Variants in NECAP1 observed in about 807,000 individuals in gnomAD.
The protein encoded by NECAP1 is adaptin ear-binding coat-associated protein 1.
A neutral mutation model predicts 33.4 loss-of-function variants in NECAP1; 13 were observed. The ratio of observed to expected loss-of-function variants is 0.39; its 90% CI spans 0.25 to 0.62. The LOEUF is 0.62. Ranked by LOEUF, NECAP1 falls within the 20% of genes least tolerant of loss-of-function variation. The pLI, the probability that NECAP1 is intolerant of heterozygous loss-of-function variation, is 0.52. For missense variants in NECAP1, 272 were observed against 347.4 expected (o/e 0.78, Z 1.73); for synonymous variants, 109 against 125.2 (o/e 0.87, Z 0.86).
chr12:8,082,772 T>TCACACACACA (rs1201652736), intron 1 of NECAP1: 2 of 114,446 alleles, frequency 1.7e-5, no homozygotes, highest in African/African-American at 8.8e-5. Flanking sequence ...TCTCTCTCTC[T>TCACACACACA]CTCACACACA....
intron 6 of NECAP1, chr12:8,093,893 G>A (rs993891113): frequency 2.0e-5 from 3 of 152,200 alleles, no homozygotes; most frequent in Admixed American, 6.5e-5. Flanking sequence ...CTTCACAAGA[G>A]CAATTGGGAG....
chr12:8,083,740 T>G (rs1014337165), intron 1 of NECAP1, among the ~76,000 whole-genome samples: 4 of 148,812 alleles, frequency 2.7e-5, no homozygotes, highest in African/African-American at 7.4e-5. Context: ...TTTTTTTTTT[T>G]TTTTTTTTTT....
rs1947494474 is a variant in NECAP1 at position 8,086,832 on chromosome 12, AG to A, written c.96-3102del. ...CCTGTGCCTGTAATCTCAGCTACTC[AG>A]GAGGCTGAGGCAAGAGAATTGCTTG... On this transcript the variant is annotated intron_variant, in intron 1 of 7. Transcript: ENST00000339754. Among the ~76,000 whole-genome samples the A allele has an allele frequency of 2.0e-5, 3 of 151,682 alleles. No individual in the cohort carries two copies. The South Asian group carries it at 6.3e-4, about 32-fold the overall frequency.
At position 8,082,362 on chromosome 12, in the gene NECAP1, G is replaced by C; in HGVS notation, c.74G>C (p.Arg25Pro). The change falls in exon 1 of 8, where the codon CGG becomes CCG. Residue 25 changes from arginine to proline, a missense_variant. Coordinates refer to ENST00000339754, the MANE Select transcript of NECAP1 (RefSeq NM_015509.4). ...GTCAGCGTCTACCGGATTCCGCCCCGGGCCTCCAACCGCGGTTACAGGTAC... is the reference window on the plus strand; with the variant it reads ...GTCAGCGTCTACCGGATTCCGCCCCCGGCCTCCAACCGCGGTTACAGGTAC... Reference protein sequence around the residue: ...PDVSVYRIPPRASNRGYRASD... With the variant: ...PDVSVYRIPPPASNRGYRASD... 2.5e-6 allele frequency: 4 copies of C among 1,613,704 alleles called. No homozygotes were observed. Among genetic ancestry groups the C allele is most frequent in the Non-Finnish European group, 3.4e-6 (4 of 1,179,680 alleles).
rs372553759 is a variant in NECAP1 at position 8,089,894 on chromosome 12, A to G, written c.96-42A>G. On this transcript the variant is annotated intron_variant, in intron 1 of 7. Transcript: ENST00000339754. Reference sequence around the variant, plus strand: ...AAAGATTGTGGGTGGGCGTTAGTAAATTAAGGACATGTGCCTGAGGCTTCC... The same window carrying G: ...AAAGATTGTGGGTGGGCGTTAGTAAGTTAAGGACATGTGCCTGAGGCTTCC... 1,723 of 1,472,034 alleles carry G rather than the reference A, an allele frequency of 1.2e-3. 21 individuals are homozygous for G. In the South Asian group the frequency reaches 0.018, roughly 16 times the overall value. 91.2% of individuals were successfully genotyped at this position (1,472,034 alleles called of 1,614,324 possible).
chr12:8,086,328 T>C (rs893922461), intron 1 of NECAP1, among the ~76,000 whole-genome samples: 6 of 152,086 alleles, frequency 3.9e-5, no homozygotes, highest in Non-Finnish European at 7.4e-5. Flanking sequence ...AAGAAACTTA[T>C]CAGGCTGAGT....
At chr12:8,084,342 T>C (rs917753799) in intron 1 of NECAP1, among the ~76,000 whole-genome samples, 1 of 152,216 alleles carries the variant, frequency 6.6e-6, no homozygotes, top group Non-Finnish European at 1.5e-5. Context: ...AGGTACTATA[T>C]GAGTCACTTA....
intron 6 of NECAP1, 49 bp from the exon 7 acceptor site, chr12:8,095,552 C>T: frequency 6.6e-7 from 1 of 1,516,024 alleles, no homozygotes; most frequent in Non-Finnish European, 9.1e-7. Context: ...CCGGCCCTTC[C>T]AAGATTTTGA....
chr12:8,093,719 T>A (rs1253078479), intron 6 of NECAP1: 2 of 151,850 alleles, frequency 1.3e-5, no homozygotes, highest in African/African-American at 2.4e-5. Context: ...TGGGACCTTG[T>A]CTCATAAAAA....
intron 1 of NECAP1, among the ~76,000 whole-genome samples, chr12:8,087,522 A>T (rs1947502686): frequency 7.3e-6 from 1 of 137,342 alleles, no homozygotes; most frequent in East Asian, 2.1e-4. Flanking sequence ...CTTGTTCCTA[A>T]TTTTTTTTTT....
At chr12:8,089,536 T>A (rs868317651) in intron 1 of NECAP1, 9 of 161,990 alleles carry the variant, frequency 5.6e-5, no homozygotes, top group Non-Finnish European at 9.5e-5. Context: ...CTAATTTTTG[T>A]ATTTTTAGAA....
chr12:8,085,301 A>T (rs772641003), intron 1 of NECAP1, among the ~76,000 whole-genome samples: 1 of 151,422 alleles, frequency 6.6e-6, no homozygotes, highest in East Asian at 1.9e-4. Context: ...TACAGGCGTG[A>T]GCCACCGCAC....
intron 3 of NECAP1, chr12:8,090,980 G>A (rs1325399485): frequency 1.3e-5 from 2 of 152,464 alleles, no homozygotes; most frequent in East Asian, 3.8e-4. Flanking sequence ...AGGTCAGGTG[G>A]CCTCTGTTGC....
chr12:8,092,554 T>C (rs1182376876), intron 4 of NECAP1, 122 bp from the exon 5 acceptor site: 8 of 682,250 alleles, frequency 1.2e-5, no homozygotes, highest in Non-Finnish European at 1.7e-5. Flanking sequence ...TTTCTCACTC[T>C]TTTTTATCTC....
intron 1 of NECAP1, among the ~76,000 whole-genome samples, chr12:8,085,686 C>CTTCTTTTTTTTTTTTTTTTT (rs1947481617): frequency 1.0e-4 from 11 of 104,810 alleles, no homozygotes; most frequent in Non-Finnish European, 1.1e-4. Context: ...ACTTAATCTT[C>CTTCTTTTTTTTTTTTTTTTT]TTTTTTTTTT....
chr12:8,095,483 C>T (rs1042253323), intron 6 of NECAP1, 118 bp from the exon 7 acceptor site: 7 of 603,230 alleles, frequency 1.2e-5, no homozygotes, highest in Non-Finnish European at 1.8e-5. Flanking sequence ...CTCCTGACCT[C>T]ATGATCCACC....
chr12:8,083,159 G>A (rs1278105033), intron 1 of NECAP1, among the ~76,000 whole-genome samples: 2 of 152,152 alleles, frequency 1.3e-5, no homozygotes, highest in South Asian at 2.1e-4. Flanking sequence ...TCCAATGACT[G>A]TGAGGTTCTG....
rs934424311 is a variant in NECAP1, at chr12:8,092,918, G to A, written c.539G>A (p.Arg180Lys). 9 of 1,586,964 alleles carry A rather than the reference G, an allele frequency of 5.7e-6. No homozygotes were observed. The highest frequency in any genetic ancestry group is 6.8e-6 in the Non-Finnish European group (8 of 1,168,162). The change falls in exon 6 of 8, where the codon AGG becomes AAG. Residue 180 changes from arginine to lysine, a missense_variant. Coordinates refer to ENST00000339754, the MANE Select transcript of NECAP1 (RefSeq NM_015509.4). ...GGTGCTTCTAAGCCCAGGACTGCAA[G>A]GGGTGGGGGTCTGAGCTTACTCCCA... The part of the protein sequence containing the change: ...KGGASKPRTA[R>K]GGGLSLLPPP...
At chr12:8,087,044 T>C (rs1947498142) in intron 1 of NECAP1, among the ~76,000 whole-genome samples, 1 of 151,594 alleles carries the variant, frequency 6.6e-6, no homozygotes. Flanking sequence ...CCCTCTTCCC[T>C]TAGCTAAATC....
Sources: allele counts gnomAD v4.1 joint callset (sites outside exome capture counted in the v4.1 genomes callset), GRCh38; gene constraint gnomAD v4.1.1; transcripts MANE v1.5; gene names NCBI Gene and HGNC (gene_info 2026-07-23, HGNC 2026-07-21).